Variants in MAP9 observed in about 807,000 individuals in gnomAD.
MAP9 encodes the protein microtubule associated protein 9, also known as microtubule-associated protein 9.
A neutral mutation model predicts 75.2 loss-of-function variants in MAP9; 80 were observed. The observed-to-expected ratio is 1.06, with a 90% confidence interval of 0.89 to 1.28. The LOEUF (loss-of-function observed/expected upper bound fraction) is 1.28, where lower values mean the gene tolerates loss of function less well. Ranked by LOEUF, MAP9 falls within the 50% of genes most tolerant of loss-of-function variation. The probability of loss-of-function intolerance (pLI) is 0.00; values close to 1 mark genes in which losing one functional copy is unlikely to be tolerated. For missense variants in MAP9, 753 were observed against 719.9 expected (o/e 1.05, Z -0.53); for synonymous variants, 235 against 237.3 (o/e 0.99, Z 0.09).
At position 155,352,737 on chromosome 4, in the gene MAP9, C is replaced by T. The variant is rs1401334518; in HGVS notation, c.1689-9G>A. 5 of 1,514,832 alleles carry T rather than the reference C, an allele frequency of 3.3e-6. No homozygotes were observed. Among genetic ancestry groups the T allele is most frequent in the Non-Finnish European group, 3.6e-6 (4 of 1,120,102 alleles). The allele number at this position is 1,514,832 out of a possible 1,614,324, so 93.8% of individuals were successfully genotyped here. ...CTTCCTTTTTTTCATTCCTATAGAG[C>T]ATAGTATAAAACACTGGAGAGTTAA... On this transcript the variant is annotated splice_polypyrimidine_tract_variant and intron_variant, in intron 12 of 13. Transcript: ENST00000311277.
chr4:155,346,855 A>C lies in MAP9; in HGVS notation c.*928T>G, dbSNP rs1188246974. 1 of 152,588 alleles carries C rather than the reference A, an allele frequency of 6.6e-6. No homozygotes were observed. Among genetic ancestry groups the C allele is most frequent in the Admixed American group, 6.5e-5 (1 of 15,268 alleles). 9.5% of individuals were successfully genotyped at this position (152,588 alleles called of 1,614,324 possible). On this transcript the variant is annotated 3_prime_UTR_variant, in exon 14 of 14. Coordinates refer to ENST00000311277, the MANE Select transcript of MAP9 (RefSeq NM_001039580.2). The stretch of plus-strand genomic sequence containing the variant: ...AGGACATGCAGAGATCAAATAAATA[A>C]ATAAATAAAGGCTTTGTGGACATTG...
intron 4 of MAP9, among the ~76,000 whole-genome samples, chr4:155,371,286 GAAAAA>G (rs910985330): frequency 7.1e-6 from 1 of 141,120 alleles, no homozygotes; most frequent in Non-Finnish European, 1.6e-5. Context: ...AACCTGTACA[GAAAAA>G]AAAAAAGTCA....
intron 4 of MAP9, among the ~76,000 whole-genome samples, chr4:155,370,852 A>G (rs1471815090): frequency 6.6e-6 from 1 of 152,212 alleles, no homozygotes; most frequent in Non-Finnish European, 1.5e-5. Flanking sequence ...ACATTTATAG[A>G]GTGCTAAATT....
At chr4:155,362,912 G>A (rs1400493579) in intron 5 of MAP9, 2 of 152,182 alleles carry the variant, frequency 1.3e-5, no homozygotes, top group Non-Finnish European at 2.9e-5. Flanking sequence ...AGTCTACCCT[G>A]AAAGATAAAG....
At chr4:155,356,866 A>C (rs1226624461) in intron 8 of MAP9, among the ~76,000 whole-genome samples, 5 of 152,190 alleles carry the variant, frequency 3.3e-5, no homozygotes, top group Non-Finnish European at 5.9e-5. Flanking sequence ...ACTAACGATA[A>C]TTTTAAAGAT....
chr4:155,355,591 CT>C, intron 9 of MAP9, 124 bp downstream of exon 9: 1 of 139,326 alleles, frequency 7.2e-6, no homozygotes, highest in African/African-American at 2.4e-4. Context: ...TAAAAGGAAA[CT>C]CTTTCTCAAT....
intron 1 of MAP9, 35 bp from the exon 2 acceptor site, chr4:155,375,949 T>C: frequency 2.6e-6 from 2 of 761,476 alleles, no homozygotes; most frequent in South Asian, 3.4e-5. Context: ...CTTCGCATGC[T>C]TCAGAATTTA....
intron 9 of MAP9, among the ~76,000 whole-genome samples, 177 bp downstream of exon 9, chr4:155,355,539 T>C (rs1731737888): frequency 6.6e-6 from 1 of 152,154 alleles, no homozygotes; most frequent in Non-Finnish European, 1.5e-5. Flanking sequence ...TTATGCAAAG[T>C]GTGGAAGCAA....
chr4:155,371,848 T>C (rs1018712855), intron 4 of MAP9, among the ~76,000 whole-genome samples: 6 of 152,182 alleles, frequency 3.9e-5, no homozygotes, highest in African/African-American at 1.4e-4. Flanking sequence ...ATTTTCTTAA[T>C]AACGAAGTTC....
rs778055136 is a variant in MAP9 at position 155,353,230 on chromosome 4, GT to G, written c.1490del (p.Asn497ThrfsTer61). The G allele has an allele frequency of 2.5e-6, 4 of 1,600,042 alleles. No homozygotes were observed. Among genetic ancestry groups the G allele is most frequent in the Admixed American group, 3.4e-5 (2 of 58,306 alleles). On this transcript the variant is annotated frameshift_variant, in exon 11 of 14. Transcript: ENST00000311277. LOFTEE classifies it high-confidence loss of function. ...IAAKKRLEEK[N>X]KKKTEEENAA... ...CATTTTCTTCTTCAGTTTTCTTCTTGTTTTTTTCTTCAAGCCTCTTTTTGGC... is the reference window on the plus strand; with the variant it reads ...CATTTTCTTCTTCAGTTTTCTTCTTGTTTTTTCTTCAAGCCTCTTTTTGGC...
In MAP9 at chr4:155,353,235, T is replaced by C. The variant is rs959831677; in HGVS notation, c.1486A>G (p.Lys496Glu). ...TCTTCTTCAGTTTTCTTCTTGTTTT[T>C]TTCTTCAAGCCTCTTTTTGGCAGCT... ...KIAAKKRLEE[K>E]NKKKTEEENA... is the part of the protein sequence containing the mutation. Residue 496 changes from lysine to glutamate, a missense_variant, in exon 11 of 14, where the codon AAA becomes GAA. Coordinates refer to ENST00000311277, the MANE Select transcript of MAP9 (RefSeq NM_001039580.2). The C allele has an allele frequency of 6.2e-7, 1 of 1,608,316 alleles. No individual in the cohort carries two copies. Among genetic ancestry groups the C allele is most frequent in the Non-Finnish European group, 8.5e-7 (1 of 1,177,994 alleles).
chr4:155,353,409 G>C (rs1041386976), intron 10 of MAP9, 69 bp from the exon 11 acceptor site: 17 of 1,234,680 alleles, frequency 1.4e-5, no homozygotes, highest in Non-Finnish European at 1.8e-5. Context: ...AATATGGCTA[G>C]ATATAAATAT....
intron 1 of MAP9, 157 bp downstream of exon 1, chr4:155,376,614 C>T (rs1732860192): frequency 6.5e-6 from 1 of 152,684 alleles, no homozygotes; most frequent in South Asian, 2.1e-4. Flanking sequence ...ATGCTGAGCA[C>T]CAGCGAACGC....
intron 4 of MAP9, among the ~76,000 whole-genome samples, chr4:155,371,455 A>C (rs1166896660): frequency 6.6e-6 from 1 of 152,042 alleles, no homozygotes; most frequent in East Asian, 1.9e-4. Context: ...GAAGAACCTG[A>C]GAATGACAAC....
intron 13 of MAP9, 138 bp downstream of exon 13, chr4:155,352,458 G>T: frequency 1.3e-6 from 1 of 790,828 alleles, no homozygotes. Flanking sequence ...ATATGCAGGA[G>T]GAGAGCTTGA....
At chr4:155,353,395 C>T in intron 10 of MAP9, 55 bp from the exon 11 acceptor site, 2 of 1,314,158 alleles carry the variant, frequency 1.5e-6, no homozygotes, top group East Asian at 2.8e-5. Flanking sequence ...TATACATAGA[C>T]ACAAATATGG....
Position 155,368,759 on chromosome 4 carries a change from T to C in MAP9, c.535A>G (p.Arg179Gly). The C allele has an allele frequency of 6.2e-7, 1 of 1,614,026 alleles. No individual in the cohort carries two copies. The highest frequency in any genetic ancestry group is 8.5e-7 in the Non-Finnish European group (1 of 1,179,888). ...TGACTTTTCTTTTTCAACATACTCC[T>C]TGGCCGAGGTGATGGTTTAAAGTGA... ...DDHFKPSPRP[R>G]SMLKKKSHME... Residue 179 changes from arginine (R) to glycine (G), a missense_variant, in exon 5 of 14, where the codon AGG (arginine) becomes GGG (glycine). Coordinates refer to ENST00000311277, the MANE Select transcript of MAP9 (RefSeq NM_001039580.2).
intron 13 of MAP9, chr4:155,350,340 T>C (rs1731459395): frequency 2.6e-6 from 1 of 386,326 alleles, no homozygotes; most frequent in Non-Finnish European, 5.0e-6. Flanking sequence ...GACATTTTAC[T>C]AGATATCAAA....
At position 155,353,041 on chromosome 4, in the gene MAP9, T is replaced by C; in HGVS notation, c.1559A>G (p.Lys520Arg). 2 of 1,541,340 alleles carry C rather than the reference T, an allele frequency of 1.3e-6. No individual in the cohort carries two copies. Among genetic ancestry groups the C allele is most frequent in the Non-Finnish European group, 1.8e-6 (2 of 1,141,484 alleles). ...TTTAAGATATTCCATCTTTTTCTCT[T>C]TCCATTTTTCAAAAGCCTGAAAAAG... Reference protein sequence around the residue: ...GEALQAFEKWKEKKMEYLKEK... With the variant: ...GEALQAFEKWREKKMEYLKEK... The change falls in exon 12 of 14, where the codon AAA becomes AGA. Residue 520 changes from lysine to arginine, a missense_variant. By Grantham distance (26) the Lys-to-Arg change is conservative (BLOSUM62 2). Coordinates refer to ENST00000311277, the MANE Select transcript of MAP9 (RefSeq NM_001039580.2).
Sources: allele counts gnomAD v4.1 joint callset (sites outside exome capture counted in the v4.1 genomes callset), GRCh38; gene constraint gnomAD v4.1.1; transcripts MANE v1.5; gene names NCBI Gene and HGNC (gene_info 2026-07-23, HGNC 2026-07-21).